The following ISOC1 variants were observed in gnomAD, a reference collection of about 807,000 sequenced individuals.
ISOC1 encodes isochorismatase domain-containing protein 1.
Under a neutral mutation model 30.0 loss-of-function variants are expected in ISOC1, and 33 were observed. That is an observed-to-expected ratio of 1.10 (90% CI 0.83 to 1.47). ISOC1 has a LOEUF of 1.47. Ranked by LOEUF, ISOC1 falls within the 40% of genes most tolerant of loss-of-function variation. The pLI, the probability that ISOC1 is intolerant of heterozygous loss-of-function variation, is 0.00. For missense variants in ISOC1, 372 were observed against 388.0 expected (o/e 0.96, Z 0.35); for synonymous variants, 178 against 159.8 (o/e 1.11, Z -0.86).
intron 1 of ISOC1, among the ~76,000 whole-genome samples, chr5:129,102,474 A>G (rs183235975): frequency 1.8e-4 from 28 of 152,324 alleles, no homozygotes; most frequent in East Asian, 3.9e-4. Flanking sequence ...AATGAAGGGC[A>G]GGAAACACCA....
At position 129,113,065 on chromosome 5, in the gene ISOC1, C is replaced by T; in HGVS notation, c.*64C>T. ...ACAGTCAGGTGAAGGACTGTAAGCC[C>T]ACACAAGCTCTTCTTATCTCTACTA... On this transcript the variant is annotated 3_prime_UTR_variant, in exon 5 of 5. Coordinates refer to ENST00000173527, the MANE Select transcript of ISOC1 (RefSeq NM_016048.2). 1 of 1,434,286 alleles carries T rather than the reference C, an allele frequency of 7.0e-7. No homozygotes were observed. The highest frequency in any genetic ancestry group is 9.5e-7 in the Non-Finnish European group (1 of 1,056,506). The allele number at this position is 1,434,286 out of a possible 1,614,324, so 88.8% of individuals were successfully genotyped here.
chr5:129,113,073 C>A lies in ISOC1; in HGVS notation c.*72C>A. On this transcript the variant is annotated 3_prime_UTR_variant, in exon 5 of 5. Coordinates refer to ENST00000173527, the MANE Select transcript of ISOC1 (RefSeq NM_016048.2). Reference sequence around the variant, plus strand: ...GTGAAGGACTGTAAGCCCACACAAGCTCTTCTTATCTCTACTAGAATTAAA... The same window carrying A: ...GTGAAGGACTGTAAGCCCACACAAGATCTTCTTATCTCTACTAGAATTAAA... The A allele has an allele frequency of 7.4e-7, 1 of 1,348,164 alleles. No homozygotes were observed. Among genetic ancestry groups the A allele is most frequent in the Non-Finnish European group, 1.0e-6 (1 of 991,260 alleles). 83.5% of individuals were successfully genotyped at this position (1,348,164 alleles called of 1,614,324 possible). A position where few individuals can be genotyped will look rare whatever the true frequency, so the allele number is the denominator to read the frequency against.
chr5:129,102,249 A>C (rs527569235), intron 1 of ISOC1, among the ~76,000 whole-genome samples: 1 of 152,328 alleles, frequency 6.6e-6, no homozygotes, highest in African/African-American at 2.4e-5. Context: ...GGTATTTTTT[A>C]TTCAGTAAAT....
intron 1 of ISOC1, among the ~76,000 whole-genome samples, chr5:129,095,337 C>T (rs1373491421): frequency 1.3e-5 from 2 of 152,254 alleles, no homozygotes; most frequent in African/African-American, 4.8e-5. Flanking sequence ...CGCGAACGCC[C>T]CCACGTGTGT....
intron 4 of ISOC1, among the ~76,000 whole-genome samples, chr5:129,109,933 A>G (rs1319145961): frequency 6.6e-6 from 1 of 152,140 alleles, no homozygotes; most frequent in Non-Finnish European, 1.5e-5. Context: ...TTGAAACTTC[A>G]CTGTACCAGG....
chr5:129,096,770 A>T (rs1753507157), intron 1 of ISOC1, among the ~76,000 whole-genome samples: 1 of 152,158 alleles, frequency 6.6e-6, no homozygotes, highest in African/African-American at 2.4e-5. Flanking sequence ...AAGGATGCAG[A>T]CTTCTTTATG....
chr5:129,112,809 C>G (rs769974447), intron 4 of ISOC1, 46 bp from the exon 5 acceptor site: 18 of 1,592,152 alleles, frequency 1.1e-5, no homozygotes, highest in Non-Finnish European at 1.5e-5. Context: ...AAATAGTGTT[C>G]ATTCTCATGC....
rs1291455847 is a variant in ISOC1 at position 129,105,039 on chromosome 5, G to C, written c.393G>C (p.Lys131Asn). The C allele has an allele frequency of 2.5e-6, 4 of 1,613,748 alleles. No individual in the cohort carries two copies. In the African/African-American group the frequency reaches 5.3e-5, roughly 22 times the overall value. ...AGGAAAGGTTCAGACCAGCCATCAA[G>C]TATTTTGGGGATATTATTAGCGTGG... ...DMQERFRPAI[K>N]YFGDIISVGQ... Residue 131 changes from lysine (K) to asparagine (N), a missense_variant, in exon 2 of 5, where the codon AAG (lysine) becomes AAC (asparagine). Physicochemically the swap from Lys to Asn is moderately conservative, Grantham distance 94 (BLOSUM62 0). Coordinates refer to ENST00000173527, the MANE Select transcript of ISOC1 (RefSeq NM_016048.2).
intron 4 of ISOC1, among the ~76,000 whole-genome samples, chr5:129,109,684 T>C (rs1286875722): frequency 6.6e-6 from 1 of 152,164 alleles, no homozygotes; most frequent in Non-Finnish European, 1.5e-5. Flanking sequence ...ACCTGCCATA[T>C]TGCAGATTTT....
rs372435009 is a variant in ISOC1 at position 129,112,870 on chromosome 5, G to A, written c.766G>A (p.Gly256Arg). ...MFALERLART[G>R]IIVTTSEAVL... ...TTTGTTCAAGCGTCTCGCTCGAACC[G>A]GGATCATAGTGACCACGAGTGAGGC... The change falls in exon 5 of 5, where the codon GGG becomes AGG. Residue 256 changes from glycine to arginine, a missense_variant. By Grantham distance (125) the Gly-to-Arg change is moderately radical. Transcript: ENST00000173527. The A allele has an allele frequency of 1.3e-4, 213 of 1,612,642 alleles. No individual in the cohort carries two copies. The highest frequency in any genetic ancestry group is 3.5e-4 in the Admixed American group (21 of 59,734).
At chr5:129,110,873 A>T (rs1753698597) in intron 4 of ISOC1, among the ~76,000 whole-genome samples, 1 of 152,286 alleles carries the variant, frequency 6.6e-6, no homozygotes, top group Non-Finnish European at 1.5e-5. Context: ...ACTCTCACAG[A>T]CATTGAAAGC....
At chr5:129,105,703 C>T (rs1220543266) in intron 3 of ISOC1, among the ~76,000 whole-genome samples, 1 of 152,082 alleles carries the variant, frequency 6.6e-6, no homozygotes, top group Admixed American at 6.6e-5. Flanking sequence ...GTATTTTTAA[C>T]TACTACTTTT....
chr5:129,107,875 G>A (rs1194289275), intron 4 of ISOC1, among the ~76,000 whole-genome samples: 1 of 152,148 alleles, frequency 6.6e-6, no homozygotes, highest in Non-Finnish European at 1.5e-5. Context: ...CAGGGAGTCT[G>A]TAATTCTCTG....
intron 4 of ISOC1, among the ~76,000 whole-genome samples, chr5:129,107,664 T>A (rs534429532): frequency 6.6e-6 from 1 of 152,348 alleles, no homozygotes; most frequent in African/African-American, 2.4e-5. Flanking sequence ...ATACAAATAC[T>A]ATGCTGTTTT....
At position 129,105,365 on chromosome 5, in the gene ISOC1, A is replaced by G; in HGVS notation, c.610A>G (p.Ser204Gly). The G allele has an allele frequency of 6.2e-7, 1 of 1,613,640 alleles. No homozygotes were observed. The highest frequency in any genetic ancestry group is 8.5e-7 in the Non-Finnish European group (1 of 1,179,694). The change falls in exon 3 of 5, where the codon AGT becomes GGT. Residue 204 changes from serine (S) to glycine (G), a missense_variant. Ser to Gly is a moderately conservative substitution (Grantham distance 56, BLOSUM62 0). Transcript: ENST00000173527. ...AALAEIPGVR[S>G]VVLFGVETHV... is the part of the protein sequence containing the mutation. Reference sequence around the variant, plus strand: ...ATTAGCAGAGATTCCCGGAGTCAGGAGTGTTGTATTATTTGGAGTAGAAGT... The same window carrying G: ...ATTAGCAGAGATTCCCGGAGTCAGGGGTGTTGTATTATTTGGAGTAGAAGT...
At chr5:129,098,231 T>C (rs1753530963) in intron 1 of ISOC1, among the ~76,000 whole-genome samples, 2 of 152,236 alleles carry the variant, frequency 1.3e-5, no homozygotes, top group South Asian at 4.1e-4. Flanking sequence ...AGAACTGATC[T>C]TTAAGACCCC....
chr5:129,103,061 A>C (rs1753590603), intron 1 of ISOC1, among the ~76,000 whole-genome samples: 1 of 152,126 alleles, frequency 6.6e-6, no homozygotes, highest in Non-Finnish European at 1.5e-5. Flanking sequence ...AGACTGGCTT[A>C]CTTGCATTAT....
chr5:129,110,082 C>T (rs754067850), intron 4 of ISOC1, among the ~76,000 whole-genome samples: 8 of 152,118 alleles, frequency 5.3e-5, no homozygotes, highest in Non-Finnish European at 1.2e-4. Context: ...TGTCCTTGTA[C>T]TTCCGGGGAG....
chr5:129,107,641 A>G (rs1468616450), intron 4 of ISOC1, among the ~76,000 whole-genome samples: 1 of 152,254 alleles, frequency 6.6e-6, no homozygotes, highest in Non-Finnish European at 1.5e-5. Flanking sequence ...TATATAGGAT[A>G]TGCATAGATT....
Sources: gnomAD v4.1 joint callset for allele counts (sites outside exome capture counted in the v4.1 genomes callset) on GRCh38, gnomAD v4.1.1 for gene constraint, MANE v1.5 for transcripts, NCBI Gene and HGNC (gene_info 2026-07-23, HGNC 2026-07-21) for gene names.